The following KCND3 variants were observed in gnomAD, a reference collection of about 807,000 sequenced individuals.
KCND3 encodes the protein potassium voltage-gated channel subfamily D member 3, also known as A-type voltage-gated potassium channel KCND3.
Under a neutral mutation model 51.1 loss-of-function variants are expected in KCND3, and 9 were observed. That is an observed-to-expected ratio of 0.18 (90% CI 0.11 to 0.31). The LOEUF (loss-of-function observed/expected upper bound fraction) is 0.31, where lower values mean the gene tolerates loss of function less well. Among genes scored for constraint, KCND3 ranks in the 10% least tolerant of loss-of-function variants. KCND3 has a pLI of 1.00. For missense variants in KCND3, 526 were observed against 903.8 expected (o/e 0.58, Z 5.36); for synonymous variants, 349 against 368.0 (o/e 0.95, Z 0.59).
intron 2 of KCND3, among the ~76,000 whole-genome samples, chr1:111,870,667 T>G (rs139130227): frequency 1.3e-5 from 2 of 152,088 alleles, no homozygotes; most frequent in African/African-American, 4.8e-5. Flanking sequence ...CCAATAAATA[T>G]GATGCTACAG....
intron 2 of KCND3, among the ~76,000 whole-genome samples, chr1:111,912,173 G>C (rs747069781): frequency 1.8e-4 from 28 of 152,374 alleles, no homozygotes; most frequent in South Asian, 4.1e-4. Flanking sequence ...AGGTGAGAAT[G>C]AACAGGTTTC....
intron 2 of KCND3, among the ~76,000 whole-genome samples, chr1:111,792,637 A>G (rs762167431): frequency 7.2e-5 from 11 of 152,206 alleles, no homozygotes; most frequent in Non-Finnish European, 1.5e-4. Context: ...GACCTTGGCC[A>G]TGATACTTAA....
chr1:111,904,823 C>A (rs939445363), intron 2 of KCND3, among the ~76,000 whole-genome samples: 3 of 152,104 alleles, frequency 2.0e-5, no homozygotes, highest in Admixed American at 2.0e-4. Flanking sequence ...CACAGTGGAG[C>A]GGGGAGGGGA....
At chr1:111,962,684 GT>G (rs1673728261) in intron 2 of KCND3, among the ~76,000 whole-genome samples, 2 of 152,316 alleles carry the variant, frequency 1.3e-5, no homozygotes, top group Admixed American at 6.5e-5. Context: ...ATGAAATTCA[GT>G]CCACATGGTT....
chr1:111,967,600 T>C (rs1187086448), intron 2 of KCND3, among the ~76,000 whole-genome samples: 2 of 152,208 alleles, frequency 1.3e-5, no homozygotes, highest in African/African-American at 4.8e-5. Flanking sequence ...ATGGCTGCTT[T>C]AGTCAAGGAC....
intron 2 of KCND3, among the ~76,000 whole-genome samples, chr1:111,904,015 G>A (rs1221365914): frequency 6.6e-6 from 1 of 152,130 alleles, no homozygotes; most frequent in African/African-American, 2.4e-5. Context: ...GGTGAATTCA[G>A]GCAAATAAAC....
intron 2 of KCND3, among the ~76,000 whole-genome samples, chr1:111,949,526 G>C (rs940352704): frequency 2.6e-5 from 4 of 152,192 alleles, no homozygotes; most frequent in Admixed American, 2.0e-4. Flanking sequence ...GAAAAGGTGA[G>C]GGGGTAGAGA....
At chr1:111,972,985 G>A (rs568936533) in intron 2 of KCND3, among the ~76,000 whole-genome samples, 1 of 152,354 alleles carries the variant, frequency 6.6e-6, no homozygotes, top group East Asian at 1.9e-4. Context: ...GCAGCTATAA[G>A]CCTGTAATTA....
intron 5 of KCND3, among the ~76,000 whole-genome samples, chr1:111,779,269 T>G (rs2101465564): frequency 1.3e-5 from 2 of 152,058 alleles, no homozygotes; most frequent in East Asian, 3.9e-4. Flanking sequence ...AAGACCAGCC[T>G]GGGCAACATA....
At chr1:111,878,081 G>A (rs568841985) in intron 2 of KCND3, among the ~76,000 whole-genome samples, 2 of 152,356 alleles carry the variant, frequency 1.3e-5, no homozygotes, top group Admixed American at 6.5e-5. Flanking sequence ...ACAGCTAACA[G>A]GTGGGGGATG....
chr1:111,916,066 A>C (rs1671203151), intron 2 of KCND3, among the ~76,000 whole-genome samples: 2 of 152,200 alleles, frequency 1.3e-5, no homozygotes. Flanking sequence ...CAATCCCATC[A>C]ACCTCCTCGA....
chr1:111,869,298 C>G (rs1668731409), intron 2 of KCND3, among the ~76,000 whole-genome samples: 1 of 152,162 alleles, frequency 6.6e-6, no homozygotes, highest in African/African-American at 2.4e-5. Flanking sequence ...CTCCTAGAGG[C>G]TCCTCCTGCC....
intron 2 of KCND3, among the ~76,000 whole-genome samples, chr1:111,933,612 A>G (rs1672079610): frequency 6.6e-6 from 1 of 152,188 alleles, no homozygotes; most frequent in African/African-American, 2.4e-5. Flanking sequence ...AGAGGCATCC[A>G]AGAAGCAGGA....
intron 2 of KCND3, among the ~76,000 whole-genome samples, chr1:111,817,757 C>T (rs1374903942): frequency 6.6e-6 from 1 of 152,102 alleles, no homozygotes; most frequent in Non-Finnish European, 1.5e-5. Flanking sequence ...TGATAGAAAG[C>T]TGAGTATATG....
intron 2 of KCND3, among the ~76,000 whole-genome samples, chr1:111,850,385 C>T (rs1211116846): frequency 3.9e-5 from 6 of 152,158 alleles, no homozygotes; most frequent in African/African-American, 9.7e-5. Flanking sequence ...TCTACCCCCT[C>T]GGGAATCCTT....
At chr1:111,966,351 C>G (rs751401995) in intron 2 of KCND3, among the ~76,000 whole-genome samples, 13 of 152,068 alleles carry the variant, frequency 8.5e-5, no homozygotes, top group Non-Finnish European at 1.5e-4. Context: ...TACAGACCAA[C>G]AGGATAATAG....
chr1:111,901,707 T>C (rs542746118), intron 2 of KCND3, among the ~76,000 whole-genome samples: 9 of 152,214 alleles, frequency 5.9e-5, no homozygotes, highest in Admixed American at 2.0e-4. Flanking sequence ...GAAGAATGCT[T>C]TCTTTTTTTC....
In KCND3 at chr1:111,780,018, C is replaced by T. The variant is rs1027783953; in HGVS notation, c.1461+207G>A. Among the ~76,000 whole-genome samples the T allele has an allele frequency of 8.5e-5, 13 of 152,198 alleles. No homozygotes were observed. Among genetic ancestry groups the T allele is most frequent in the African/African-American group, 2.7e-4 (11 of 41,452 alleles). On this transcript the variant is annotated intron_variant, in intron 5 of 7. Transcript: ENST00000302127. This position sits in a 1 kb window ranked among gnomAD's most constrained non-coding sequence, Gnocchi z 4.2. ...CTGGGGGAATGGCCTCCTCAATGCT[C>T]CTGCAGGACAGAGCTGGTCTCCCAC...
chr1:111,875,860 T>C (rs777043696), intron 2 of KCND3, among the ~76,000 whole-genome samples: 2 of 152,222 alleles, frequency 1.3e-5, no homozygotes, highest in Non-Finnish European at 2.9e-5. Flanking sequence ...CTGGCAGAAG[T>C]GTAATGTACA....
Sources: gnomAD v4.1 joint callset for allele counts (sites outside exome capture counted in the v4.1 genomes callset) on GRCh38, gnomAD v4.1.1 for gene constraint, Gnocchi (gnomAD v3.1) non-coding constraint, MANE v1.5 for transcripts, NCBI Gene and HGNC (gene_info 2026-07-23, HGNC 2026-07-21) for gene names.